RAB18: variants seen among roughly 807,000 people sequenced by gnomAD.
RAB18 encodes ras-related protein Rab-18.
In RAB18, 10 loss-of-function variants were observed where a neutral mutation model predicts 28.5. That is an observed-to-expected ratio of 0.35 (90% CI 0.22 to 0.60). The LOEUF (loss-of-function observed/expected upper bound fraction) is 0.60, where lower values mean the gene tolerates loss of function less well. Among genes scored for constraint, RAB18 ranks in the 20% least tolerant of loss-of-function variants. RAB18 has a pLI of 0.78. For synonymous variants in RAB18, 93 were observed against 86.9 expected, an observed-to-expected ratio of 1.07 and a Z score of -0.39; for missense variants, 188 against 244.2, an observed-to-expected ratio of 0.77 and a Z score of 1.53.
chr10:27,532,690 A>G (rs533397776), intron 4 of RAB18, 111 bp downstream of exon 4: 4 of 798,976 alleles, frequency 5.0e-6, no homozygotes, highest in Admixed American at 2.1e-5. Flanking sequence ...AGCTACTTTT[A>G]TGTAACTTGT....
rs1292853083 is a variant in RAB18 at position 27,540,591 on chromosome 10, G to A, written c.*2540G>A. 2 of 453,956 alleles carry A rather than the reference G, an allele frequency of 4.4e-6. No homozygotes were observed. The highest frequency in any genetic ancestry group is 4.0e-5 in the African/African-American group (2 of 49,992). The allele number at this position is 453,956 out of a possible 1,614,324, so 28.1% of individuals were successfully genotyped here. On this transcript the variant is annotated 3_prime_UTR_variant, in exon 7 of 7. Transcript: ENST00000356940. ...ACATAAAAGTTAAGGTAGTGGAGTAGGTGGTCTTATTTCTTTCACCTGCTC... is the reference window on the plus strand; with the variant it reads ...ACATAAAAGTTAAGGTAGTGGAGTAAGTGGTCTTATTTCTTTCACCTGCTC...
Position 27,504,346 on chromosome 10 carries a change from G to C in RAB18, c.-24G>C. 6.4e-7 allele frequency: 1 copy of C among 1,567,268 alleles called. No homozygotes were observed. The highest frequency in any genetic ancestry group is 2.1e-4 in the Middle Eastern group (1 of 4,768). On this transcript the variant is annotated 5_prime_UTR_variant, in exon 1 of 7. Transcript: ENST00000356940. ...AGAGGCGCACCCGGGCGGCCAGCTG[G>C]GCTCGGAGCGGAACGGGGTCAGGAT...
At position 27,538,797 on chromosome 10, in the gene RAB18, G is replaced by A. The variant is rs1323187506; in HGVS notation, c.*746G>A. ...TGACAATAAGGTTTTCCCCCATTTT[G>A]GTTTCAGGAGGACATGAATAGTGTG... is the stretch of plus-strand genomic sequence containing the variant. On this transcript the variant is annotated 3_prime_UTR_variant, in exon 7 of 7. Coordinates refer to ENST00000356940, the MANE Select transcript of RAB18 (RefSeq NM_021252.5). The A allele has an allele frequency of 4.4e-6, 2 of 453,972 alleles. No homozygotes were observed. Among genetic ancestry groups the A allele is most frequent in the Non-Finnish European group, 8.8e-6 (2 of 226,750 alleles). 28.1% of individuals were successfully genotyped at this position (453,972 alleles called of 1,614,324 possible).
chr10:27,521,428 A>G (rs1363274917), intron 2 of RAB18, among the ~76,000 whole-genome samples: 2 of 152,202 alleles, frequency 1.3e-5, no homozygotes, highest in Non-Finnish European at 1.5e-5. Flanking sequence ...ACAATTCACA[A>G]TTGCAAAAAT....
In RAB18 at chr10:27,538,307, T is replaced by C. The variant is rs1389586383; in HGVS notation, c.*256T>C. On this transcript the variant is annotated 3_prime_UTR_variant, in exon 7 of 7. Coordinates refer to ENST00000356940, the MANE Select transcript of RAB18 (RefSeq NM_021252.5). ...TTATAAGTACATTCAATTTTATGAT[T>C]TACATTTATCATGTAATTTTTAAAA... 4 of 592,492 alleles carry C rather than the reference T, an allele frequency of 6.8e-6. No individual in the cohort carries two copies. In the East Asian group the frequency reaches 1.5e-4, roughly 22 times the overall value. The allele number at this position is 592,492 out of a possible 1,614,324, so 36.7% of individuals were successfully genotyped here.
rs1834964037 is a variant in RAB18, at chr10:27,539,045, G to C, written c.*994G>C. 1.4e-5 allele frequency: 6 copies of C among 430,286 alleles called. No individual in the cohort carries two copies. The highest frequency in any genetic ancestry group is 9.9e-5 in the South Asian group (6 of 60,558). 26.7% of individuals were successfully genotyped at this position (430,286 alleles called of 1,614,324 possible). A position where few individuals can be genotyped will look rare whatever the true frequency, so the allele number is the denominator to read the frequency against. On this transcript the variant is annotated 3_prime_UTR_variant, in exon 7 of 7. Coordinates refer to ENST00000356940, the MANE Select transcript of RAB18 (RefSeq NM_021252.5). ...ATTTGAAAAAGGCATATTGCTTCCA[G>C]ATTCTGATGTGTGAGGGAAAATACT...
chr10:27,511,113 C>T (rs1216266015), intron 2 of RAB18, among the ~76,000 whole-genome samples: 1 of 152,166 alleles, frequency 6.6e-6, no homozygotes, highest in Non-Finnish European at 1.5e-5. Context: ...ATTAATGTCC[C>T]ATATAGCAAA....
intron 2 of RAB18, among the ~76,000 whole-genome samples, chr10:27,520,378 C>G (rs1404350514): frequency 1.4e-5 from 2 of 146,828 alleles, no homozygotes. Flanking sequence ...CTCTCACTCT[C>G]TTTTTTTTTT....
At chr10:27,517,076 A>G (rs1051308781) in intron 2 of RAB18, among the ~76,000 whole-genome samples, 60 of 152,244 alleles carry the variant, frequency 3.9e-4, no homozygotes, top group African/African-American at 1.4e-3. Flanking sequence ...AAAGAATTCA[A>G]TGAGGGCCAG....
chr10:27,523,018 TTTTC>T (rs1343050792), intron 2 of RAB18, among the ~76,000 whole-genome samples: 5 of 152,020 alleles, frequency 3.3e-5, no homozygotes, highest in East Asian at 1.9e-4. Flanking sequence ...TTGAACTTTA[TTTTC>T]TTTCTTCTAC....
chr10:27,528,080 G>A (rs973767446), intron 3 of RAB18, among the ~76,000 whole-genome samples: 1 of 152,080 alleles, frequency 6.6e-6, no homozygotes, highest in Non-Finnish European at 1.5e-5. Context: ...TAAAGTGGGG[G>A]CCTGATTTCC....
At position 27,541,085 on chromosome 10, in the gene RAB18, C is replaced by G. The variant is rs1029536792; in HGVS notation, c.*3034C>G. 1 of 453,666 alleles carries G rather than the reference C, an allele frequency of 2.2e-6. No individual in the cohort carries two copies. Among genetic ancestry groups the G allele is most frequent in the African/African-American group, 2.0e-5 (1 of 49,932 alleles). The allele number at this position is 453,666 out of a possible 1,614,324, so 28.1% of individuals were successfully genotyped here. A position where few individuals can be genotyped will look rare whatever the true frequency, so the allele number is the denominator to read the frequency against. On this transcript the variant is annotated 3_prime_UTR_variant, in exon 7 of 7. Transcript: ENST00000356940. ...CTCTCCATATTCAAGCATTATGCTTCTCTTTCTTGGGGGTACATTTCACTA... is the reference window on the plus strand; with the variant it reads ...CTCTCCATATTCAAGCATTATGCTTGTCTTTCTTGGGGGTACATTTCACTA...
At chr10:27,537,652 T>A (rs938011897) in intron 6 of RAB18, among the ~76,000 whole-genome samples, 2 of 152,184 alleles carry the variant, frequency 1.3e-5, no homozygotes, top group Non-Finnish European at 2.9e-5. Flanking sequence ...AAACCAGTGT[T>A]TTTTTGGTAT....
intron 2 of RAB18, among the ~76,000 whole-genome samples, chr10:27,517,741 A>G (rs566534412): frequency 4.6e-5 from 7 of 152,210 alleles, no homozygotes; most frequent in Non-Finnish European, 8.8e-5. Context: ...GATTTTTAAC[A>G]TATGTATTAA....
At position 27,541,602 on chromosome 10, in the gene RAB18, C is replaced by G. The variant is rs1564842132; in HGVS notation, c.*3551C>G. The G allele has an allele frequency of 2.2e-6, 1 of 453,510 alleles. No individual in the cohort carries two copies. Among genetic ancestry groups the G allele is most frequent in the Non-Finnish European group, 4.4e-6 (1 of 226,666 alleles). The allele number at this position is 453,510 out of a possible 1,614,324, so 28.1% of individuals were successfully genotyped here. A position where few individuals can be genotyped will look rare whatever the true frequency, so the allele number is the denominator to read the frequency against. On this transcript the variant is annotated 3_prime_UTR_variant, in exon 7 of 7. Coordinates refer to ENST00000356940, the MANE Select transcript of RAB18 (RefSeq NM_021252.5). ...GTTCATGCCTGTTCTCAGTCTTGTC[C>G]CCTTTACCGTTTCTCATGCAGGTTA...
intron 6 of RAB18, among the ~76,000 whole-genome samples, chr10:27,535,392 A>C (rs182393573): frequency 7.2e-5 from 11 of 152,314 alleles, no homozygotes; most frequent in Admixed American, 7.2e-4. Context: ...AGATCATCTC[A>C]GGCTGAGAGA....
chr10:27,504,307 C>G lies in RAB18; in HGVS notation c.-63C>G. On this transcript the variant is annotated 5_prime_UTR_variant, in exon 1 of 7. Coordinates refer to ENST00000356940, the MANE Select transcript of RAB18 (RefSeq NM_021252.5). ...CGGCGCGCATGCGCAGCAGCTCACTCTGCTGAAGGGCTGAGAGGCGCACCC... is the reference window on the plus strand; with the variant it reads ...CGGCGCGCATGCGCAGCAGCTCACTGTGCTGAAGGGCTGAGAGGCGCACCC... The G allele has an allele frequency of 2.0e-6, 3 of 1,508,814 alleles. No homozygotes were observed. Among genetic ancestry groups the G allele is most frequent in the Non-Finnish European group, 2.7e-6 (3 of 1,112,966 alleles). 93.5% of individuals were successfully genotyped at this position (1,508,814 alleles called of 1,614,324 possible). A position where few individuals can be genotyped will look rare whatever the true frequency, so the allele number is the denominator to read the frequency against.
chr10:27,526,859 G>A lies in RAB18; in HGVS notation c.156G>A (p.Val52=). The change falls in exon 3 of 7, where the codon GTG becomes GTA. Residue 52 remains valine (V), a synonymous_variant. Transcript: ENST00000356940. The stretch of plus-strand genomic sequence containing the variant: ...ACTTTAAGGTGAAAACAATTTCAGT[G>A]GATGGAAATAAGGCTAAACTTGCAA... ...GVDFKVKTIS[V]DGNKAKLAIW... is the part of the protein sequence containing the mutation. 6.2e-7 allele frequency: 1 copy of A among 1,613,188 alleles called. No individual in the cohort carries two copies. Among genetic ancestry groups the A allele is most frequent in the South Asian group, 1.1e-5 (1 of 91,032 alleles).
In RAB18 at chr10:27,539,492, A is replaced by T. The variant is rs1834976955; in HGVS notation, c.*1441A>T. 3 of 340,276 alleles carry T rather than the reference A, an allele frequency of 8.8e-6. No individual in the cohort carries two copies. Among genetic ancestry groups the T allele is most frequent in the Middle Eastern group, 1.0e-3 (1 of 972 alleles). 21.1% of individuals were successfully genotyped at this position (340,276 alleles called of 1,614,324 possible). A position where few individuals can be genotyped will look rare whatever the true frequency, so the allele number is the denominator to read the frequency against. On this transcript the variant is annotated 3_prime_UTR_variant, in exon 7 of 7. Coordinates refer to ENST00000356940, the MANE Select transcript of RAB18 (RefSeq NM_021252.5). ...ATTTACACTTCCTAGTCTACATTAC[A>T]TGTGGTTGAAGGTTTTATACATTCT...
Sources: gnomAD v4.1 joint callset for allele counts (sites outside exome capture counted in the v4.1 genomes callset) on GRCh38, gnomAD v4.1.1 for gene constraint, MANE v1.5 for transcripts, NCBI Gene and HGNC (gene_info 2026-07-23, HGNC 2026-07-21) for gene names.